The following CCDC93 variants were observed in gnomAD, a reference collection of about 807,000 sequenced individuals.
The protein encoded by CCDC93 is coiled-coil domain-containing protein 93.
CCDC93 carries 61 observed loss-of-function variants against 108.2 expected under a neutral mutation model. That is an observed-to-expected ratio of 0.56 (90% CI 0.46 to 0.70). CCDC93 has a LOEUF of 0.70. CCDC93 is among the 30% of genes least tolerant of loss of function. CCDC93 has a pLI of 0.00. For synonymous variants in CCDC93, 276 were observed against 260.4 expected, an observed-to-expected ratio of 1.06 and a Z score of -0.58; for missense variants, 685 against 764.2, an observed-to-expected ratio of 0.90 and a Z score of 1.22.
chr2:117,947,419 G>A (rs1678908127), intron 15 of CCDC93, among the ~76,000 whole-genome samples: 2 of 152,154 alleles, frequency 1.3e-5, no homozygotes, highest in South Asian at 4.2e-4. Flanking sequence ...TCACCCCCAC[G>A]ACTAGACTAC....
In CCDC93 at chr2:117,917,020, C is replaced by T. The variant is rs1241232064; in HGVS notation, c.*3323G>A. The T allele has an allele frequency of 6.6e-6, 1 of 152,210 alleles. No homozygotes were observed. Among genetic ancestry groups the T allele is most frequent in the Non-Finnish European group, 1.5e-5 (1 of 68,048 alleles). 9.4% of individuals were successfully genotyped at this position (152,210 alleles called of 1,614,324 possible). A position where few individuals can be genotyped will look rare whatever the true frequency, so the allele number is the denominator to read the frequency against. ...AGGCCAACACCAGCCATGAGTAAAT[C>T]ATAAAGTGCTTCCTTAAAGTGTTCT... On this transcript the variant is annotated 3_prime_UTR_variant, in exon 24 of 24. Transcript: ENST00000376300.
At chr2:117,945,084 A>G (rs890895038) in intron 17 of CCDC93, among the ~76,000 whole-genome samples, 10 of 152,232 alleles carry the variant, frequency 6.6e-5, no homozygotes, top group Non-Finnish European at 1.2e-4. Flanking sequence ...TGGTCACTAC[A>G]GCAGAGCTGG....
Position 117,916,082 on chromosome 2 carries a change from G to A in CCDC93, c.*4261C>T, listed in dbSNP as rs1677673834. 6.6e-6 allele frequency: 1 copy of A among 152,162 alleles called. No homozygotes were observed. Among genetic ancestry groups the A allele is most frequent in the African/African-American group, 2.4e-5 (1 of 41,454 alleles). The allele number at this position is 152,162 out of a possible 1,614,324, so 9.4% of individuals were successfully genotyped here. A position where few individuals can be genotyped will look rare whatever the true frequency, so the allele number is the denominator to read the frequency against. ...AGGAGTAGCATTGCTAGTTCAAAGA[G>A]CTTATGCATTTGCACTTTTGATAGA... On this transcript the variant is annotated 3_prime_UTR_variant, in exon 24 of 24. Transcript: ENST00000376300.
At chr2:117,925,685 A>G (rs1678060585) in intron 23 of CCDC93, among the ~76,000 whole-genome samples, 1 of 152,142 alleles carries the variant, frequency 6.6e-6, no homozygotes, top group Non-Finnish European at 1.5e-5. Flanking sequence ...AGACTTTAAC[A>G]CCCCACTGTC....
intron 22 of CCDC93, among the ~76,000 whole-genome samples, chr2:117,932,042 C>CA (rs1185951001): frequency 2.0e-5 from 3 of 151,946 alleles, no homozygotes; most frequent in African/African-American, 7.3e-5. Context: ...GAAAATGACA[C>CA]GGGGGGAGGT....
At chr2:117,944,507 C>T (rs1388190353) in intron 17 of CCDC93, among the ~76,000 whole-genome samples, 1 of 152,058 alleles carries the variant, frequency 6.6e-6, no homozygotes, top group Non-Finnish European at 1.5e-5. Flanking sequence ...GCAGACAGTG[C>T]GGAACAGAAC....
At chr2:117,950,530 G>A in intron 13 of CCDC93, 3 of 985,322 alleles carry the variant, frequency 3.0e-6, no homozygotes, top group Non-Finnish European at 3.6e-6. Flanking sequence ...CAGATTTACT[G>A]GAAAGACACA....
rs550636131 is a variant in CCDC93 at position 117,917,706 on chromosome 2, C to G, written c.*2637G>C. On this transcript the variant is annotated 3_prime_UTR_variant, in exon 24 of 24. Transcript: ENST00000376300. Reference sequence around the variant, plus strand: ...ACGGAGCACAGGTCAAAGACATCAACAAATGTCCTAGCATCTCCCCACGCA... The same window carrying G: ...ACGGAGCACAGGTCAAAGACATCAAGAAATGTCCTAGCATCTCCCCACGCA... 1.3e-5 allele frequency: 2 copies of G among 152,348 alleles called. No homozygotes were observed. The highest frequency in any genetic ancestry group is 2.4e-5 in the African/African-American group (1 of 41,472). The allele number at this position is 152,348 out of a possible 1,614,324, so 9.4% of individuals were successfully genotyped here. A position where few individuals can be genotyped will look rare whatever the true frequency, so the allele number is the denominator to read the frequency against.
chr2:118,008,892 A>C, intron 1 of CCDC93: 1 of 495,314 alleles, frequency 2.0e-6, no homozygotes, highest in Admixed American at 3.7e-5. Flanking sequence ...TAGCTGAGGG[A>C]GACACATGCC....
At chr2:117,999,063 T>G (rs1283313795) in intron 4 of CCDC93, 1 of 152,212 alleles carries the variant, frequency 6.6e-6, no homozygotes. Context: ...TTCAACTAAG[T>G]GCTTTAGACA....
chr2:118,001,417 A>G (rs1184014381), intron 3 of CCDC93, among the ~76,000 whole-genome samples: 1 of 151,402 alleles, frequency 6.6e-6, no homozygotes, highest in Admixed American at 6.6e-5. Context: ...CCCCATTTCC[A>G]AAAGAGATTT....
intron 17 of CCDC93, 65 bp downstream of exon 17, chr2:117,945,464 G>C (rs186490499): frequency 3.1e-6 from 4 of 1,304,230 alleles, no homozygotes; most frequent in East Asian, 2.3e-5. Context: ...GCCATCACAG[G>C]AGAGTGGAAA....
intron 7 of CCDC93, among the ~76,000 whole-genome samples, chr2:117,978,355 T>C (rs4241145): frequency 0.57 from 85,947 of 152,050 alleles, 25,151 homozygotes; most frequent in East Asian, 0.87. Context: ...CTAAAAGCCT[T>C]AAAAATATCT....
At chr2:117,939,768 A>C (rs557046845) in intron 19 of CCDC93, among the ~76,000 whole-genome samples, 11 of 152,310 alleles carry the variant, frequency 7.2e-5, no homozygotes, top group Admixed American at 5.9e-4. Flanking sequence ...GTGCTCTACC[A>C]GGAAGGATGC....
At chr2:117,947,469 CAT>C (rs1454112723) in intron 15 of CCDC93, among the ~76,000 whole-genome samples, 2 of 152,158 alleles carry the variant, frequency 1.3e-5, no homozygotes, top group Non-Finnish European at 2.9e-5. Context: ...ACACATAGGA[CAT>C]AGACATCCCA....
At chr2:117,987,512 A>T (rs1680355777) in intron 6 of CCDC93, among the ~76,000 whole-genome samples, 1 of 152,218 alleles carries the variant, frequency 6.6e-6, no homozygotes, top group African/African-American at 2.4e-5. Context: ...GTCACCCTTT[A>T]AAGCAACAGG....
chr2:117,967,118 C>T (rs1213151717), intron 11 of CCDC93, among the ~76,000 whole-genome samples: 1 of 152,150 alleles, frequency 6.6e-6, no homozygotes, highest in Non-Finnish European at 1.5e-5. Flanking sequence ...CTCAGCCTCC[C>T]AAGTAGCTGG....
At chr2:117,946,252 G>A (rs903487994) in intron 16 of CCDC93, among the ~76,000 whole-genome samples, 1 of 152,178 alleles carries the variant, frequency 6.6e-6, no homozygotes, top group Non-Finnish European at 1.5e-5. Context: ...CAAGTTCCCT[G>A]TTTCTTACAA....
Position 117,949,646 on chromosome 2 carries a change from C to T in CCDC93, c.1069-251G>A, listed in dbSNP as rs950196334. The T allele has an allele frequency of 9.1e-6, 5 of 546,814 alleles. No homozygotes were observed. The Admixed American group carries it at 1.9e-4, about 21-fold the overall frequency. 33.9% of individuals were successfully genotyped at this position (546,814 alleles called of 1,614,324 possible). On this transcript the variant is annotated intron_variant, in intron 13 of 23. Transcript: ENST00000376300. The stretch of plus-strand genomic sequence containing the variant: ...TGAAGAAAACACCGTTTCTCCAAAC[C>T]TACACCCTTTGTACTTTTTGAATTT...
Sources: allele counts gnomAD v4.1 joint callset (sites outside exome capture counted in the v4.1 genomes callset), GRCh38; gene constraint gnomAD v4.1.1; transcripts MANE v1.5; gene names NCBI Gene and HGNC (gene_info 2026-07-23, HGNC 2026-07-21).